ARGLU1: variants seen among roughly 807,000 people sequenced by gnomAD.
The protein encoded by ARGLU1 is arginine and glutamate-rich protein 1.
ARGLU1 carries 9 observed loss-of-function variants against 37.6 expected under a neutral mutation model. That is an observed-to-expected ratio of 0.24 (90% CI 0.14 to 0.42). The LOEUF (loss-of-function observed/expected upper bound fraction) is 0.42, where lower values mean the gene tolerates loss of function less well. Among genes scored for constraint, ARGLU1 ranks in the 10% least tolerant of loss-of-function variants. The pLI is 1.00. For missense variants in ARGLU1, 211 were observed against 359.2 expected (o/e 0.59, Z 3.34); for synonymous variants, 166 against 138.5 (o/e 1.20, Z -1.39).
chr13:106,547,391 G>A (rs770522209), intron 3 of ARGLU1, among the ~76,000 whole-genome samples: 8 of 152,018 alleles, frequency 5.3e-5, no homozygotes, highest in African/African-American at 1.7e-4. Flanking sequence ...GCACCCATGC[G>A]AAACTGATAT....
intron 3 of ARGLU1, among the ~76,000 whole-genome samples, chr13:106,555,128 C>T (rs745763579): frequency 4.6e-5 from 7 of 152,018 alleles, no homozygotes; most frequent in South Asian, 2.1e-4. Context: ...GAAGCCAAGG[C>T]GGGTGGATCA....
intron 3 of ARGLU1, among the ~76,000 whole-genome samples, chr13:106,545,487 G>C (rs1333998346): frequency 6.6e-6 from 1 of 151,978 alleles, no homozygotes; most frequent in Non-Finnish European, 1.5e-5. Context: ...GTTCACTTAA[G>C]TCTTTTAAAA....
chr13:106,550,247 G>A (rs371964822), intron 3 of ARGLU1, among the ~76,000 whole-genome samples: 1 of 152,076 alleles, frequency 6.6e-6, no homozygotes. Context: ...CTGCTACTTT[G>A]GTGATTCAAG....
At position 106,543,659 on chromosome 13, in the gene ARGLU1, A is replaced by AT; in HGVS notation, c.*336dup. 5.8e-6 allele frequency: 1 copy of AT among 172,826 alleles called. No individual in the cohort carries two copies. The highest frequency in any genetic ancestry group is 1.2e-5 in the Non-Finnish European group (1 of 81,888). 10.7% of individuals were successfully genotyped at this position (172,826 alleles called of 1,614,324 possible). A position where few individuals can be genotyped will look rare whatever the true frequency, so the allele number is the denominator to read the frequency against. ...AGCATTATGATGTAGCAAACAGAGT[A>AT]TAACTCTGAAGTCAGTGGGGTCAGT... On this transcript the variant is annotated 3_prime_UTR_variant, in exon 4 of 4. Transcript: ENST00000400198.
In ARGLU1 at chr13:106,557,144, A is replaced by G; in HGVS notation, c.574-13T>C. On this transcript the variant is annotated splice_polypyrimidine_tract_variant and intron_variant, in intron 2 of 3. Coordinates refer to ENST00000400198, the MANE Select transcript of ARGLU1 (RefSeq NM_018011.4). This position sits in a 1 kb window ranked among gnomAD's most constrained non-coding sequence, Gnocchi z 5.0. Reference sequence around the variant, plus strand: ...CACGTTCTTCCTCCTAAAGGGGAGGATATGTTAAGATATTAGAAAAACAAA... The same window carrying G: ...CACGTTCTTCCTCCTAAAGGGGAGGGTATGTTAAGATATTAGAAAAACAAA... 1 of 1,583,210 alleles carries G rather than the reference A, an allele frequency of 6.3e-7. No individual in the cohort carries two copies. Among genetic ancestry groups the G allele is most frequent in the South Asian group, 1.1e-5 (1 of 89,266 alleles).
At chr13:106,558,153 A>C in intron 2 of ARGLU1, 2 of 984,890 alleles carry the variant, frequency 2.0e-6, no homozygotes, top group Non-Finnish European at 1.2e-6. Context: ...AAACAAAAAA[A>C]GCAAATGAAG....
intron 2 of ARGLU1, chr13:106,558,550 C>A: frequency 1.0e-6 from 1 of 985,416 alleles, no homozygotes; most frequent in Non-Finnish European, 1.2e-6. Context: ...ACACTCAGGG[C>A]TGTAAAGTAA....
At chr13:106,564,348 A>G (rs1473345002) in intron 1 of ARGLU1, among the ~76,000 whole-genome samples, 1 of 152,212 alleles carries the variant, frequency 6.6e-6, no homozygotes. Flanking sequence ...CACAACAAGC[A>G]AGACAGATTA....
Position 106,567,558 on chromosome 13 carries a change from C to G in ARGLU1, c.347+15G>C. The G allele has an allele frequency of 1.3e-6, 2 of 1,570,794 alleles. No homozygotes were observed. Among genetic ancestry groups the G allele is most frequent in the Non-Finnish European group, 1.8e-6 (2 of 1,140,950 alleles). On this transcript the variant is annotated intron_variant, in intron 1 of 3. Coordinates refer to ENST00000400198, the MANE Select transcript of ARGLU1 (RefSeq NM_018011.4). The surrounding 1 kb of genome is among the most constrained non-coding windows in gnomAD (Gnocchi z 4.3). ...CTCTCCGCACGCCCCGGTCCCTCCC[C>G]GCGCGGGCACTCACATTTTTCGCTG...
In ARGLU1 at chr13:106,567,758, C is replaced by G. The variant is rs369932608; in HGVS notation, c.162G>C (p.Ser54=). The G allele has an allele frequency of 1.2e-6, 2 of 1,612,098 alleles. No individual in the cohort carries two copies. The highest frequency in any genetic ancestry group is 1.7e-6 in the Non-Finnish European group (2 of 1,179,332). The part of the protein sequence containing the change: ...RESKRNRRRE[S]RSRSRSTNTA... ...TGTTGGTGGAGCGCGAACGGGACCG[C>G]GACTCCCGCCGCCGGTTCCGTTTAC... Residue 54 remains serine (S), a synonymous_variant, in exon 1 of 4, where the codon TCG becomes TCC. Coordinates refer to ENST00000400198, the MANE Select transcript of ARGLU1 (RefSeq NM_018011.4). The surrounding 1 kb of genome is among the most constrained non-coding windows in gnomAD (Gnocchi z 4.3).
At chr13:106,549,031 G>A (rs555276812) in intron 3 of ARGLU1, among the ~76,000 whole-genome samples, 2 of 152,172 alleles carry the variant, frequency 1.3e-5, no homozygotes, top group Admixed American at 6.6e-5. Flanking sequence ...GATTACAGGC[G>A]TGAGCCACTG....
intron 2 of ARGLU1, chr13:106,558,401 CAAT>C: frequency 2.0e-6 from 2 of 985,284 alleles, no homozygotes; most frequent in Non-Finnish European, 2.4e-6. Flanking sequence ...AACTTGTCCA[CAAT>C]AATGCCAAGA....
chr13:106,557,595 C>T lies in ARGLU1; in HGVS notation c.574-464G>A. On this transcript the variant is annotated intron_variant, in intron 2 of 3. Coordinates refer to ENST00000400198, the MANE Select transcript of ARGLU1 (RefSeq NM_018011.4). The surrounding 1 kb of genome is among the most constrained non-coding windows in gnomAD (Gnocchi z 5.0). ...GTGTCCTGCAGAGTGTGCTCCTCGGCTGCCATACGCGCCAGCTTCCTCTTT... is the reference window on the plus strand; with the variant it reads ...GTGTCCTGCAGAGTGTGCTCCTCGGTTGCCATACGCGCCAGCTTCCTCTTT... 6.2e-7 allele frequency: 1 copy of T among 1,607,730 alleles called. No homozygotes were observed. The highest frequency in any genetic ancestry group is 8.5e-7 in the Non-Finnish European group (1 of 1,177,546).
Sources: allele counts gnomAD v4.1 joint callset (sites outside exome capture counted in the v4.1 genomes callset), GRCh38; gene constraint gnomAD v4.1.1; non-coding constraint Gnocchi (gnomAD v3.1); transcripts MANE v1.5; gene names NCBI Gene and HGNC (gene_info 2026-07-23, HGNC 2026-07-21).